Variants in TOM1L1 observed in about 807,000 individuals in gnomAD.
TOM1L1 encodes target of myb1 like 1 membrane trafficking protein.
Under a neutral mutation model 63.4 loss-of-function variants are expected in TOM1L1, and 64 were observed. That is an observed-to-expected ratio of 1.01 (90% CI 0.83 to 1.24). TOM1L1 has a LOEUF of 1.24. TOM1L1 is among the 50% of genes most tolerant of loss of function. TOM1L1 has a pLI of 0.00. For synonymous variants in TOM1L1, 166 were observed against 194.4 expected (o/e 0.85, Z 1.22); for missense variants, 536 against 567.0 (o/e 0.95, Z 0.55).
At chr17:54,903,891 A>C in intron 2 of TOM1L1, 99 bp downstream of exon 2, 1 of 1,096,492 alleles carries the variant, frequency 9.1e-7, no homozygotes. Context: ...TTGTTGAAAG[A>C]GTGTTTTCAT....
At chr17:54,918,720 T>C (rs1220464670) in intron 7 of TOM1L1, among the ~76,000 whole-genome samples, 1 of 152,246 alleles carries the variant, frequency 6.6e-6, no homozygotes, top group Non-Finnish European at 1.5e-5. Context: ...GGTTGTATGC[T>C]GTGTTCTGTG....
chr17:54,940,564 C>A (rs529227427), intron 11 of TOM1L1, among the ~76,000 whole-genome samples: 2 of 152,114 alleles, frequency 1.3e-5, no homozygotes, highest in South Asian at 4.1e-4. Context: ...TAATTGGAAA[C>A]AACTCAAAAT....
chr17:54,908,298 G>A (rs1189758989), intron 3 of TOM1L1, among the ~76,000 whole-genome samples: 1 of 152,138 alleles, frequency 6.6e-6, no homozygotes, highest in Non-Finnish European at 1.5e-5. Flanking sequence ...TCTTCATGCT[G>A]ATTTCCCTGA....
At chr17:54,943,742 G>T (rs2049070177) in intron 11 of TOM1L1, among the ~76,000 whole-genome samples, 1 of 151,960 alleles carries the variant, frequency 6.6e-6, no homozygotes, top group African/African-American at 2.4e-5. Flanking sequence ...ATTTTGGGAG[G>T]CTGAGGCGGG....
At chr17:54,952,178 TA>T (rs577324310) in intron 14 of TOM1L1, 1 of 152,130 alleles carries the variant, frequency 6.6e-6, no homozygotes, top group Non-Finnish European at 1.5e-5. Flanking sequence ...GTAAGAGCAA[TA>T]AAATTAGTGG....
intron 11 of TOM1L1, among the ~76,000 whole-genome samples, chr17:54,939,435 G>T (rs1201695637): frequency 1.3e-5 from 2 of 152,140 alleles, no homozygotes; most frequent in Non-Finnish European, 2.9e-5. Flanking sequence ...AATGACAAAG[G>T]AGGCAGAAGA....
At chr17:54,903,884 T>A in intron 2 of TOM1L1, 92 bp downstream of exon 2, 1 of 1,177,596 alleles carries the variant, frequency 8.5e-7, no homozygotes, top group Non-Finnish European at 1.2e-6. Context: ...GGTTTTGTTG[T>A]TGAAAGAGTG....
chr17:54,949,538 A>G lies in TOM1L1; in HGVS notation c.1203A>G (p.Ser401=). Residue 401 remains serine, a synonymous_variant, in exon 13 of 16, where the codon TCA becomes TCG. Transcript: ENST00000575882. ...AYDNFLEHSN[S]VFLQPVSLQT... Reference sequence around the variant, plus strand: ...TTCAGTTTCTGGAACATTCAAATTCAGTGTTTCTACAGCCAGTTAGTCTAC... The same window carrying G: ...TTCAGTTTCTGGAACATTCAAATTCGGTGTTTCTACAGCCAGTTAGTCTAC... 1 of 1,613,860 alleles carries G rather than the reference A, an allele frequency of 6.2e-7. No homozygotes were observed. Among genetic ancestry groups the G allele is most frequent in the Non-Finnish European group, 8.5e-7 (1 of 1,179,784 alleles).
chr17:54,954,357 CAT>C (rs2049383548), intron 14 of TOM1L1: 3 of 152,238 alleles, frequency 2.0e-5, no homozygotes, highest in Admixed American at 1.3e-4. Context: ...TTAAAAAACA[CAT>C]AGACCCGAGC....
At chr17:54,940,850 G>A (rs570617494) in intron 11 of TOM1L1, among the ~76,000 whole-genome samples, 3 of 152,216 alleles carry the variant, frequency 2.0e-5, no homozygotes, top group East Asian at 1.9e-4. Context: ...GAAGAGGCAG[G>A]ATAGAATAAA....
At chr17:54,947,133 C>G in intron 11 of TOM1L1, 128 bp from the exon 12 acceptor site, 3 of 841,714 alleles carry the variant, frequency 3.6e-6, no homozygotes, top group Non-Finnish European at 5.8e-6. Context: ...ACAGTTATTA[C>G]AAAATGACAC....
chr17:54,947,899 C>T (rs1475163746), intron 12 of TOM1L1, among the ~76,000 whole-genome samples: 3 of 152,150 alleles, frequency 2.0e-5, no homozygotes, highest in South Asian at 2.1e-4. Flanking sequence ...GCCCAGACCC[C>T]TTCTCTAAAC....
chr17:54,906,434 C>T (rs1465690608), intron 3 of TOM1L1, among the ~76,000 whole-genome samples: 1 of 151,122 alleles, frequency 6.6e-6, no homozygotes, highest in East Asian at 1.9e-4. Context: ...GCACCACTGT[C>T]CTCCAGTCCT....
At chr17:54,935,651 G>T (rs1181104685) in intron 8 of TOM1L1, among the ~76,000 whole-genome samples, 1 of 152,138 alleles carries the variant, frequency 6.6e-6, no homozygotes, top group East Asian at 1.9e-4. Flanking sequence ...GGTTCAGGAA[G>T]TCATACCCTT....
chr17:54,914,141 C>G (rs1037014119), intron 5 of TOM1L1, among the ~76,000 whole-genome samples: 2 of 152,166 alleles, frequency 1.3e-5, no homozygotes, highest in Non-Finnish European at 2.9e-5. Flanking sequence ...GGTGTTTTCT[C>G]TGCACATTAA....
intron 14 of TOM1L1, chr17:54,959,099 TGAA>T (rs1467017250): frequency 2.6e-5 from 4 of 152,012 alleles, no homozygotes; most frequent in African/African-American, 9.7e-5. Flanking sequence ...TTGAGGAGAG[TGAA>T]GAAGACTGAA....
intron 14 of TOM1L1, among the ~76,000 whole-genome samples, chr17:54,951,459 C>T (rs1168115010): frequency 6.6e-6 from 1 of 152,140 alleles, no homozygotes; most frequent in Non-Finnish European, 1.5e-5. Flanking sequence ...TCTTATGACC[C>T]ACAGTGACAA....
chr17:54,937,136 C>T lies in TOM1L1; in HGVS notation c.943C>T (p.Gln315Ter). Residue 315 changes from glutamine (Q) to a stop codon, truncating the protein, a stop_gained, in exon 10 of 16, where the codon CAA (glutamine) becomes TAA (stop). Transcript: ENST00000575882. LOFTEE classifies it high-confidence loss of function. ...NTTSEPSAPS[Q>*]DLLDLSPSPR... Reference sequence around the variant, plus strand: ...TACCAGTGAGCCTTCTGCCCCATCTCAAGATCTCCTCGACCTAAGTCCCAG... The same window carrying T: ...TACCAGTGAGCCTTCTGCCCCATCTTAAGATCTCCTCGACCTAAGTCCCAG... 3 of 1,612,488 alleles carry T rather than the reference C, an allele frequency of 1.9e-6. No homozygotes were observed. In the South Asian group the frequency reaches 3.3e-5, roughly 18 times the overall value.
chr17:54,907,333 T>A (rs1382753953), intron 3 of TOM1L1, among the ~76,000 whole-genome samples: 1 of 152,110 alleles, frequency 6.6e-6, no homozygotes, highest in East Asian at 1.9e-4. Flanking sequence ...TATTATTAAC[T>A]CCATTTAACA....
Sources: allele counts gnomAD v4.1 joint callset (sites outside exome capture counted in the v4.1 genomes callset), GRCh38; gene constraint gnomAD v4.1.1; transcripts MANE v1.5; gene names NCBI Gene and HGNC (gene_info 2026-07-23, HGNC 2026-07-21).